DPYD: variants seen among roughly 807,000 people sequenced by gnomAD.
The protein encoded by DPYD is dihydropyrimidine dehydrogenase.
DPYD carries 109 observed loss-of-function variants against 116.2 expected under a neutral mutation model. The observed-to-expected ratio is 0.94, with a 90% CI of 0.80 to 1.10. The LOEUF (loss-of-function observed/expected upper bound fraction) is 1.10. DPYD is among the 50% of genes least tolerant of loss of function. The probability of loss-of-function intolerance (pLI) is 0.00; values close to 1 mark genes in which losing one functional copy is unlikely to be tolerated. For missense variants in DPYD, 1,302 were observed against 1,254.5 expected (o/e 1.04, Z -0.57); for synonymous variants, 440 against 432.0 (o/e 1.02, Z -0.23).
At chr1:97,633,712 C>T (rs1004007182) in intron 8 of DPYD, among the ~76,000 whole-genome samples, 1 of 151,996 alleles carries the variant, frequency 6.6e-6, no homozygotes, top group Non-Finnish European at 1.5e-5. Flanking sequence ...TAGGAATTCA[C>T]AGAAAACAAG....
At chr1:97,101,450 C>T (rs957527884) in intron 20 of DPYD, among the ~76,000 whole-genome samples, 1 of 116,302 alleles carries the variant, frequency 8.6e-6, no homozygotes, top group Admixed American at 1.1e-4. Flanking sequence ...TTTAGGCATA[C>T]ATTTGTGTTT....
At chr1:97,831,702 GAAGA>G (rs1669543153) in intron 2 of DPYD, among the ~76,000 whole-genome samples, 2 of 151,846 alleles carry the variant, frequency 1.3e-5, no homozygotes, top group Admixed American at 1.3e-4. Context: ...CATCACAGCA[GAAGA>G]AAGGAAAAGG....
intron 2 of DPYD, among the ~76,000 whole-genome samples, chr1:97,872,653 TAATA>T (rs1385797031): frequency 6.6e-6 from 1 of 151,978 alleles, no homozygotes; most frequent in African/African-American, 2.4e-5. Flanking sequence ...AGAGGGATAC[TAATA>T]TATATCAAAA....
intron 8 of DPYD, among the ~76,000 whole-genome samples, chr1:97,611,369 T>A (rs1032417472): frequency 1.3e-5 from 2 of 151,922 alleles, no homozygotes; most frequent in African/African-American, 2.4e-5. Flanking sequence ...AGCTATAAGA[T>A]GAGAGTTGGG....
At chr1:97,625,495 T>G (rs1334048558) in intron 8 of DPYD, among the ~76,000 whole-genome samples, 1 of 152,032 alleles carries the variant, frequency 6.6e-6, no homozygotes, top group Non-Finnish European at 1.5e-5. Context: ...CAAATTGATA[T>G]GCTGAAGTCC....
chr1:97,401,617 GT>G (rs1376844607), intron 14 of DPYD, among the ~76,000 whole-genome samples: 1 of 151,970 alleles, frequency 6.6e-6, no homozygotes, highest in South Asian at 2.1e-4. Context: ...CCCAGCCAGA[GT>G]TTTTTATTTT....
At position 97,206,638 on chromosome 1, in the gene DPYD, TTATATATATATA is replaced by T. The variant is rs57893705; in HGVS notation, c.2443-13402_2443-13391del. 9.6e-3 allele frequency among the ~76,000 whole-genome samples: 471 copies of T among 48,980 alleles called. 7 individuals carry two copies. The highest frequency in any genetic ancestry group is 0.029 in the Middle Eastern group (2 of 70). 32.1% of individuals were successfully genotyped at this position (48,980 alleles called of 152,430 possible). A position where few individuals can be genotyped will look rare whatever the true frequency, so the allele number is the denominator to read the frequency against. ...GCTTTCATGTGAAAACAGGGAGATT[TTATATATATATA>T]TATATATATATATATATATATATAT... On this transcript the variant is annotated intron_variant, in intron 19 of 22. Coordinates refer to ENST00000370192, the MANE Select transcript of DPYD (RefSeq NM_000110.4).
At chr1:97,746,525 T>G (rs1407664398) in intron 3 of DPYD, among the ~76,000 whole-genome samples, 4 of 152,126 alleles carry the variant, frequency 2.6e-5, no homozygotes, top group African/African-American at 9.7e-5. Flanking sequence ...TACTTATGAC[T>G]ATTAAAGACT....
intron 20 of DPYD, among the ~76,000 whole-genome samples, chr1:97,127,095 G>T (rs1253785432): frequency 6.6e-6 from 1 of 152,174 alleles, no homozygotes; most frequent in South Asian, 2.1e-4. Flanking sequence ...TCATACAAGG[G>T]AAGTGACACA....
intron 21 of DPYD, among the ~76,000 whole-genome samples, chr1:97,085,454 G>C (rs1649445340): frequency 6.6e-6 from 1 of 152,148 alleles, no homozygotes. Flanking sequence ...GCCTCTAGAA[G>C]TTATTAGCAC....
rs1446531444 is a variant in DPYD, at chr1:97,303,904, T to A, written c.2299+1355A>T. 2.0e-5 allele frequency among the ~76,000 whole-genome samples: 3 copies of A among 151,978 alleles called. No individual in the cohort carries two copies. In the East Asian group the frequency reaches 5.8e-4, roughly 29 times the overall value. On this transcript the variant is annotated intron_variant, in intron 18 of 22. Transcript: ENST00000370192. ...GCCCTGAGGTATGACTGAGCTTGTT[T>A]TCAGGTACTGCTATAATTTCCAGTG...
At chr1:97,151,367 G>C in intron 20 of DPYD, among the ~76,000 whole-genome samples, 1 of 152,116 alleles carries the variant, frequency 6.6e-6, no homozygotes, top group Non-Finnish European at 1.5e-5. Context: ...GAATCAGAAA[G>C]ATTATCTGGG....
In DPYD at chr1:97,828,160, T is replaced by C. The variant is rs367619008; in HGVS notation, c.187A>G (p.Lys63Glu). ...EKLENNFDDI[K>E]HTTLGERGAL... The stretch of plus-strand genomic sequence containing the variant: ...CCTCGCTCACCAAGAGTCGTGTGCT[T>C]GATGTCATCAAAATTATTCTCCAGC... The change falls in exon 3 of 23, where the codon AAG (lysine) becomes GAG (glutamate). Residue 63 changes from lysine (K) to glutamate (E), a missense_variant. Physicochemically the swap from Lys to Glu is moderately conservative, Grantham distance 56 (BLOSUM62 1). Transcript: ENST00000370192. 3.1e-5 allele frequency: 50 copies of C among 1,613,648 alleles called. No individual in the cohort carries two copies. Among genetic ancestry groups the C allele is most frequent in the East Asian group, 4.5e-5 (2 of 44,872 alleles).
At chr1:97,178,217 G>C (rs923230957) in intron 20 of DPYD, among the ~76,000 whole-genome samples, 2 of 152,164 alleles carry the variant, frequency 1.3e-5, no homozygotes, top group Non-Finnish European at 2.9e-5. Context: ...TGATATAATG[G>C]GAAACTGCAC....
At chr1:97,241,956 C>T (rs1052111061) in intron 18 of DPYD, among the ~76,000 whole-genome samples, 2 of 150,810 alleles carry the variant, frequency 1.3e-5, no homozygotes, top group African/African-American at 4.9e-5. Flanking sequence ...TGTTAATATT[C>T]ATTCCTAGAT....
chr1:97,718,945 T>C (rs1226137377), intron 5 of DPYD, among the ~76,000 whole-genome samples: 1 of 151,746 alleles, frequency 6.6e-6, no homozygotes, highest in Non-Finnish European at 1.5e-5. Flanking sequence ...TATACTAAAC[T>C]ATTATTTCCC....
chr1:97,533,613 G>A (rs1649794650), intron 12 of DPYD, among the ~76,000 whole-genome samples: 4 of 152,098 alleles, frequency 2.6e-5, no homozygotes, highest in African/African-American at 2.4e-5. Context: ...TGAGAGTGAC[G>A]AAGGTAAATC....
chr1:97,516,546 G>T (rs1418217153), intron 12 of DPYD, among the ~76,000 whole-genome samples: 1 of 151,942 alleles, frequency 6.6e-6, no homozygotes, highest in Non-Finnish European at 1.5e-5. Flanking sequence ...CATTACGGGG[G>T]TTTGTTCTTT....
intron 16 of DPYD, among the ~76,000 whole-genome samples, chr1:97,307,775 C>T (rs1320070872): frequency 6.6e-6 from 1 of 151,844 alleles, no homozygotes; most frequent in African/African-American, 2.4e-5. Context: ...CTGCCCCTGC[C>T]CATGCAATGC....
Sources: gnomAD v4.1 joint callset for allele counts (sites outside exome capture counted in the v4.1 genomes callset) on GRCh38, gnomAD v4.1.1 for gene constraint, MANE v1.5 for transcripts, NCBI Gene and HGNC (gene_info 2026-07-23, HGNC 2026-07-21) for gene names.